NELL1: variants seen among roughly 807,000 people sequenced by gnomAD.
The protein encoded by NELL1 is neural EGFL like 1.
A neutral mutation model predicts 107.4 loss-of-function variants in NELL1; 76 were observed. The ratio of observed to expected loss-of-function variants is 0.71; its 90% CI spans 0.59 to 0.86. The LOEUF is 0.86. Among genes scored for constraint, NELL1 ranks in the 40% least tolerant of loss-of-function variants. NELL1 has a pLI of 0.00. For missense variants in NELL1, 1,024 were observed against 1,005.5 expected (o/e 1.02, Z -0.25); for synonymous variants, 353 against 341.2 (o/e 1.03, Z -0.38).
intron 13 of NELL1, among the ~76,000 whole-genome samples, chr11:21,155,905 A>G (rs1436150226): frequency 6.6e-6 from 1 of 152,214 alleles, no homozygotes; most frequent in Non-Finnish European, 1.5e-5. Flanking sequence ...AACAGCGCAG[A>G]GGCTGAAGAC....
At chr11:20,931,251 T>C (rs1214726282) in intron 9 of NELL1, among the ~76,000 whole-genome samples, 1 of 152,114 alleles carries the variant, frequency 6.6e-6, no homozygotes, top group East Asian at 1.9e-4. Flanking sequence ...CCTGGGATGC[T>C]TCCCGGAGGA....
intron 15 of NELL1, among the ~76,000 whole-genome samples, chr11:21,529,846 G>A (rs1020765881): frequency 6.6e-6 from 1 of 152,092 alleles, no homozygotes; most frequent in Non-Finnish European, 1.5e-5. Context: ...ACAGTCACAT[G>A]ATGTTTGATT....
At chr11:20,966,781 C>A (rs1432176675) in intron 12 of NELL1, among the ~76,000 whole-genome samples, 1 of 152,124 alleles carries the variant, frequency 6.6e-6, no homozygotes. Context: ...CAAAGTGCAT[C>A]TATTCCTGCT....
rs184782653 is a variant in NELL1, at chr11:21,508,645, G to A, written c.1646-25729G>A. On this transcript the variant is annotated intron_variant, in intron 15 of 19. Transcript: ENST00000357134. ...TAAAATGATTATTTAAAAAAATATTGTGAACATGTTGCTTTTATCTAAGGA... is the reference window on the plus strand; with the variant it reads ...TAAAATGATTATTTAAAAAAATATTATGAACATGTTGCTTTTATCTAAGGA... 6.0e-3 allele frequency among the ~76,000 whole-genome samples: 918 copies of A among 152,134 alleles called. 15 individuals are homozygous for A. Among genetic ancestry groups the A allele is most frequent in the African/African-American group, 0.021 (876 of 41,522 alleles).
At chr11:21,315,675 T>C (rs1215164956) in intron 14 of NELL1, among the ~76,000 whole-genome samples, 1 of 152,230 alleles carries the variant, frequency 6.6e-6, no homozygotes, top group Non-Finnish European at 1.5e-5. Context: ...GCCACATTTA[T>C]GGAGAATATT....
At chr11:21,085,218 C>A (rs1854362185) in intron 12 of NELL1, among the ~76,000 whole-genome samples, 1 of 152,156 alleles carries the variant, frequency 6.6e-6, no homozygotes, top group South Asian at 2.1e-4. Flanking sequence ...ATGGAACCCA[C>A]ATGCTAGTGG....
chr11:21,571,614 C>T (rs1334751532), intron 18 of NELL1, among the ~76,000 whole-genome samples: 3 of 148,038 alleles, frequency 2.0e-5, no homozygotes, highest in Non-Finnish European at 3.0e-5. Flanking sequence ...TTTTCAGATA[C>T]TACATGTTTA....
chr11:21,204,229 G>A (rs1395077132), intron 13 of NELL1, among the ~76,000 whole-genome samples: 1 of 152,062 alleles, frequency 6.6e-6, no homozygotes, highest in Non-Finnish European at 1.5e-5. Context: ...CCATTCCCCT[G>A]TCACTTTCAG....
intron 15 of NELL1, among the ~76,000 whole-genome samples, chr11:21,414,170 C>T (rs1852444551): frequency 1.3e-5 from 2 of 151,956 alleles, no homozygotes; most frequent in African/African-American, 4.8e-5. Context: ...AGGTTCTCTG[C>T]TGCTGGGCCT....
At chr11:21,349,143 G>T (rs1229162306) in intron 14 of NELL1, among the ~76,000 whole-genome samples, 2 of 152,060 alleles carry the variant, frequency 1.3e-5, no homozygotes, top group Non-Finnish European at 2.9e-5. Flanking sequence ...ACTCTTGGGT[G>T]AATGGAAAGA....
intron 14 of NELL1, among the ~76,000 whole-genome samples, chr11:21,328,244 A>G (rs1347776220): frequency 6.6e-6 from 1 of 152,008 alleles, no homozygotes; most frequent in Non-Finnish European, 1.5e-5. Context: ...AGGTTGTCCT[A>G]TGTCCTAGAT....
At chr11:21,381,891 G>C in intron 15 of NELL1, among the ~76,000 whole-genome samples, 1 of 139,718 alleles carries the variant, frequency 7.2e-6, no homozygotes, top group Non-Finnish European at 1.5e-5. Context: ...CTTGGGTATG[G>C]TCCCTGGAAG....
chr11:21,033,440 A>G (rs1326470731), intron 12 of NELL1, among the ~76,000 whole-genome samples: 1 of 152,000 alleles, frequency 6.6e-6, no homozygotes, highest in Non-Finnish European at 1.5e-5. Context: ...CTATGTGTCC[A>G]TTTGTTCTCA....
At chr11:20,700,632 A>G (rs1854754373) in intron 2 of NELL1, among the ~76,000 whole-genome samples, 1 of 152,064 alleles carries the variant, frequency 6.6e-6, no homozygotes, top group Non-Finnish European at 1.5e-5. Flanking sequence ...TACATTAGGT[A>G]TATATCCTAA....
At chr11:20,969,789 T>C (rs1851458317) in intron 12 of NELL1, among the ~76,000 whole-genome samples, 1 of 152,048 alleles carries the variant, frequency 6.6e-6, no homozygotes, top group South Asian at 2.1e-4. Flanking sequence ...TCTTTCATGA[T>C]CTAAACAGGA....
At chr11:20,867,442 G>A (rs1849116290) in intron 4 of NELL1, among the ~76,000 whole-genome samples, 1 of 152,166 alleles carries the variant, frequency 6.6e-6, no homozygotes, top group Admixed American at 6.5e-5. Flanking sequence ...AGAAAGAGGA[G>A]GAAACGTTTA....
chr11:20,946,374 C>G (rs921331077), intron 10 of NELL1, among the ~76,000 whole-genome samples: 19 of 152,134 alleles, frequency 1.2e-4, no homozygotes, highest in Admixed American at 6.6e-5. Flanking sequence ...ATAAGGAACT[C>G]TCAGCATTTT....
At chr11:21,460,446 T>C (rs1853871438) in intron 15 of NELL1, among the ~76,000 whole-genome samples, 1 of 152,110 alleles carries the variant, frequency 6.6e-6, no homozygotes, top group African/African-American at 2.4e-5. Flanking sequence ...CTTTTGAAGC[T>C]AATTCTGCCT....
At chr11:21,407,862 A>G (rs976301912) in intron 15 of NELL1, among the ~76,000 whole-genome samples, 1 of 151,754 alleles carries the variant, frequency 6.6e-6, no homozygotes, top group Non-Finnish European at 1.5e-5. Context: ...TTCTTTGCCA[A>G]CTGAGATCCT....
Sources: gnomAD v4.1 joint callset for allele counts (sites outside exome capture counted in the v4.1 genomes callset) on GRCh38, gnomAD v4.1.1 for gene constraint, MANE v1.5 for transcripts, NCBI Gene and HGNC (gene_info 2026-07-23, HGNC 2026-07-21) for gene names.